FERRY3: variants seen among roughly 807,000 people sequenced by gnomAD.
The protein encoded by FERRY3 is FERRY endosomal RAB5 effector complex subunit 3.
the FERRY3 span, among the ~76,000 whole-genome samples, chr12:4,538,001 A>C: frequency 6.6e-6 from 1 of 152,324 alleles, no homozygotes; most frequent in East Asian, 1.9e-4. Context: ...CAGCAATAAA[A>C]AAGAATCAAC....
the FERRY3 span, among the ~76,000 whole-genome samples, chr12:4,516,071 A>G: frequency 2.0e-5 from 3 of 152,216 alleles, no homozygotes; most frequent in Non-Finnish European, 4.4e-5. Flanking sequence ...AGAACCAAAA[A>G]TAATTCATTT....
the FERRY3 span, among the ~76,000 whole-genome samples, chr12:4,496,089 T>C: frequency 6.6e-6 from 1 of 152,110 alleles, no homozygotes; most frequent in African/African-American, 2.4e-5. Context: ...CACACACACA[T>C]ACGTCTGAGT....
chr12:4,507,359 T>C, the FERRY3 span, among the ~76,000 whole-genome samples: 1 of 152,190 alleles, frequency 6.6e-6, no homozygotes, highest in East Asian at 1.9e-4. Context: ...TGTTAGGATA[T>C]ACTTCTATAG....
At chr12:4,504,434 AAG>A in the FERRY3 span, among the ~76,000 whole-genome samples, 1 of 152,242 alleles carries the variant, frequency 6.6e-6, no homozygotes, top group Admixed American at 6.5e-5. Context: ...TTCAATCAGA[AAG>A]AGGATTGAGA....
the FERRY3 span, chr12:4,500,221 G>A: frequency 1.2e-6 from 2 of 1,613,976 alleles, no homozygotes; most frequent in Non-Finnish European, 1.7e-6. Flanking sequence ...ATATTTCGGA[G>A]TCCCATAATG....
chr12:4,518,006 T>G, the FERRY3 span: 4 of 1,489,204 alleles, frequency 2.7e-6, no homozygotes, highest in African/African-American at 5.6e-5. Context: ...TTTGTAAGAA[T>G]GGTGTTACAG....
the FERRY3 span, among the ~76,000 whole-genome samples, chr12:4,495,407 G>C: frequency 6.6e-6 from 1 of 152,034 alleles, no homozygotes; most frequent in Non-Finnish European, 1.5e-5. Context: ...AGCATTTTCT[G>C]ACAGTAACTT....
At chr12:4,499,848 A>G in the FERRY3 span, among the ~76,000 whole-genome samples, 2 of 152,156 alleles carry the variant, frequency 1.3e-5, no homozygotes, top group Non-Finnish European at 2.9e-5. Flanking sequence ...AGAGGAGGAA[A>G]AAAAGGAGGA....
the FERRY3 span, chr12:4,538,415 T>G: frequency 6.3e-6 from 1 of 159,644 alleles, no homozygotes; most frequent in Non-Finnish European, 1.4e-5. Context: ...TCACCTCGTC[T>G]AGTTCCGAAG....
chr12:4,496,012 TAGC>T, the FERRY3 span, among the ~76,000 whole-genome samples: 12 of 152,218 alleles, frequency 7.9e-5, no homozygotes, highest in African/African-American at 2.7e-4. Context: ...TAATGCCACT[TAGC>T]AGCGTATGAC....
chr12:4,499,712 A>G, the FERRY3 span, among the ~76,000 whole-genome samples: 1 of 152,216 alleles, frequency 6.6e-6, no homozygotes. Flanking sequence ...ATGCAAACTC[A>G]GAAAATGCAG....
At chr12:4,499,429 T>C in the FERRY3 span, among the ~76,000 whole-genome samples, 1 of 152,216 alleles carries the variant, frequency 6.6e-6, no homozygotes, top group Non-Finnish European at 1.5e-5. Context: ...CTCATTTGTT[T>C]CTCCAGACTA....
At chr12:4,509,673 C>T in the FERRY3 span, among the ~76,000 whole-genome samples, 5 of 143,100 alleles carry the variant, frequency 3.5e-5, 1 homozygote, top group Non-Finnish European at 6.1e-5. Flanking sequence ...TCCAACACAT[C>T]TGCAGCTGAG....
the FERRY3 span, chr12:4,505,348 T>C: frequency 6.2e-7 from 1 of 1,605,982 alleles, no homozygotes; most frequent in African/African-American, 1.3e-5. Context: ...TTCTTAGTCT[T>C]ATCATCATTT....
chr12:4,536,074 T>C, the FERRY3 span: 9 of 1,609,280 alleles, frequency 5.6e-6, no homozygotes, highest in South Asian at 8.8e-5. Flanking sequence ...TGCAAATGAC[T>C]GGCATTCTCT....
chr12:4,531,007 C>T, the FERRY3 span, among the ~76,000 whole-genome samples: 4 of 151,722 alleles, frequency 2.6e-5, no homozygotes, highest in Admixed American at 2.0e-4. Context: ...TTCTTACCCA[C>T]GAAAATATTA....
At chr12:4,500,424 G>C in the FERRY3 span, 1 of 1,217,274 alleles carries the variant, frequency 8.2e-7, no homozygotes, top group Non-Finnish European at 1.2e-6. Context: ...AGTGTAATGG[G>C]CAATCAATGT....
the FERRY3 span, chr12:4,500,166 G>T: frequency 6.2e-7 from 1 of 1,613,968 alleles, no homozygotes; most frequent in Non-Finnish European, 8.5e-7. Context: ...CAGCAAGAGA[G>T]GAATGCTTAT....
the FERRY3 span, among the ~76,000 whole-genome samples, chr12:4,493,725 C>G: frequency 6.6e-6 from 1 of 152,112 alleles, no homozygotes; most frequent in Admixed American, 6.6e-5. Context: ...CATGGAGGGA[C>G]AAGTGTTTGG....
Sources: gnomAD v4.1 joint callset for allele counts (sites outside exome capture counted in the v4.1 genomes callset) on GRCh38, gnomAD v4.1.1 for gene constraint, MANE v1.5 for transcripts, NCBI Gene and HGNC (gene_info 2026-07-23, HGNC 2026-07-21) for gene names.